Variants in SDK1 observed in about 807,000 individuals in gnomAD.
The protein encoded by SDK1 is sidekick cell adhesion molecule 1, also known as protein sidekick-1.
In SDK1, 157 loss-of-function variants were observed where a neutral mutation model predicts 245.5. That is an observed-to-expected ratio of 0.64 (90% CI 0.56 to 0.73). SDK1 has a LOEUF of 0.73. Ranked by LOEUF, SDK1 falls within the 30% of genes least tolerant of loss-of-function variation. The pLI, the probability that SDK1 is intolerant of heterozygous loss-of-function variation, is 0.00. For missense variants in SDK1, 3,583 were observed against 3,002.3 expected, an observed-to-expected ratio of 1.19 and a Z score of -4.52; for synonymous variants, 1,647 against 1,278.5, an observed-to-expected ratio of 1.29 and a Z score of -6.15.
intron 4 of SDK1, among the ~76,000 whole-genome samples, chr7:3,712,465 A>G (rs996117378): frequency 6.6e-6 from 1 of 152,226 alleles, no homozygotes; most frequent in African/African-American, 2.4e-5. Context: ...CAGTGTAATA[A>G]TAATAGAATT....
chr7:3,464,923 T>C (rs964729925), intron 1 of SDK1, among the ~76,000 whole-genome samples: 1 of 152,140 alleles, frequency 6.6e-6, no homozygotes, highest in African/African-American at 2.4e-5. Context: ...CCCTTTAGTA[T>C]TTGACATCAA....
chr7:3,337,804 T>G lies in SDK1; in HGVS notation c.298+35920T>G, dbSNP rs1780242105. ...ATTCTATATGCAACAAAAATGTCTT[T>G]CAGGAATGAGGGGAAAAGGAAAACT... On this transcript the variant is annotated intron_variant, in intron 1 of 44. Transcript: ENST00000404826. 2.0e-5 allele frequency: 3 copies of G among 152,182 alleles called. No individual in the cohort carries two copies. The South Asian group carries it at 6.2e-4, about 32-fold the overall frequency. The allele number at this position is 152,182 out of a possible 1,614,324, so 9.4% of individuals were successfully genotyped here. A position where few individuals can be genotyped will look rare whatever the true frequency, so the allele number is the denominator to read the frequency against.
At chr7:4,228,282 G>A (rs1785555192) in intron 40 of SDK1, among the ~76,000 whole-genome samples, 1 of 150,978 alleles carries the variant, frequency 6.6e-6, no homozygotes, top group African/African-American at 2.4e-5. Context: ...CCAGGAAGGT[G>A]CTCTTTCGGG....
Position 4,012,317 on chromosome 7 carries a change from C to T in SDK1, c.2420+82C>T, listed in dbSNP as rs1289071195. On this transcript the variant is annotated intron_variant, in intron 16 of 44. Coordinates refer to ENST00000404826, the MANE Select transcript of SDK1 (RefSeq NM_152744.4). The stretch of plus-strand genomic sequence containing the variant: ...CACAGAGGGTTGCAAACTCTAATGT[C>T]TGTAAGAGCCAAACAGGAACCAAAG... 3 of 1,359,966 alleles carry T rather than the reference C, an allele frequency of 2.2e-6. No individual in the cohort carries two copies. In the South Asian group the frequency reaches 5.5e-5, roughly 25 times the overall value. 84.2% of individuals were successfully genotyped at this position (1,359,966 alleles called of 1,614,324 possible).
At chr7:3,818,484 C>G (rs527478482) in intron 4 of SDK1, among the ~76,000 whole-genome samples, 1 of 152,312 alleles carries the variant, frequency 6.6e-6, no homozygotes, top group East Asian at 1.9e-4. Flanking sequence ...TTGTACCACT[C>G]AGACTAACCA....
chr7:3,477,488 G>A (rs562859608), intron 1 of SDK1, among the ~76,000 whole-genome samples: 5 of 150,586 alleles, frequency 3.3e-5, no homozygotes, highest in South Asian at 2.1e-4. Context: ...CACCCTGCTC[G>A]GCCTATGGTT....
intron 35 of SDK1, among the ~76,000 whole-genome samples, chr7:4,181,945 C>T (rs1193544206): frequency 2.0e-5 from 3 of 151,950 alleles, no homozygotes; most frequent in Non-Finnish European, 2.9e-5. Context: ...TTTGAGACAG[C>T]GTCTTGCTCT....
chr7:3,765,312 T>C (rs1001658915), intron 4 of SDK1, among the ~76,000 whole-genome samples: 3 of 152,220 alleles, frequency 2.0e-5, no homozygotes, highest in African/African-American at 7.2e-5. Flanking sequence ...AATTTTAAAA[T>C]ATATGCCCAT....
At chr7:3,485,808 A>T (rs1781677463) in intron 1 of SDK1, among the ~76,000 whole-genome samples, 1 of 146,304 alleles carries the variant, frequency 6.8e-6, no homozygotes, top group Non-Finnish European at 1.5e-5. Context: ...GTGTTTTCTT[A>T]TTATATTTAT....
intron 1 of SDK1, among the ~76,000 whole-genome samples, chr7:3,398,034 A>G (rs1778771424): frequency 6.6e-6 from 1 of 152,084 alleles, no homozygotes. Flanking sequence ...GAAGTAGTAA[A>G]TAGGTCTTCA....
At chr7:3,498,655 T>C (rs1253540566) in intron 1 of SDK1, among the ~76,000 whole-genome samples, 7 of 152,164 alleles carry the variant, frequency 4.6e-5, no homozygotes, top group Non-Finnish European at 1.0e-4. Flanking sequence ...CACAGTTGCT[T>C]AGTCTTGTAT....
chr7:4,223,096 A>G (rs1785233940), intron 40 of SDK1, among the ~76,000 whole-genome samples: 2 of 152,192 alleles, frequency 1.3e-5, no homozygotes, highest in East Asian at 3.9e-4. Context: ...AAAAAAAAAA[A>G]AAGTTTCTAG....
intron 1 of SDK1, among the ~76,000 whole-genome samples, chr7:3,493,229 G>A (rs1011111202): frequency 2.0e-5 from 3 of 151,854 alleles, no homozygotes; most frequent in African/African-American, 7.3e-5. Flanking sequence ...GAGATTACAG[G>A]CGTCAACCAC....
At chr7:3,808,578 A>G (rs1359362103) in intron 4 of SDK1, among the ~76,000 whole-genome samples, 1 of 151,938 alleles carries the variant, frequency 6.6e-6, no homozygotes, top group African/African-American at 2.4e-5. Context: ...CAGTTAACCA[A>G]GGGTGCAGTA....
Position 3,987,303 on chromosome 7 carries a change from C to A in SDK1, c.2112C>A (p.Ile704=). ...FDGNSPILYY[I]VELSENNSPW... is the part of the protein sequence containing the mutation. ...GAAACAGTCCTATTCTTTATTACAT[C>A]GTGGAGCTCTCTGAAAACAGTAAGT... Residue 704 remains isoleucine (I), a synonymous_variant, in exon 14 of 45, where the codon ATC becomes ATA. Transcript: ENST00000404826. The A allele has an allele frequency of 6.2e-7, 1 of 1,614,042 alleles. No individual in the cohort carries two copies. The highest frequency in any genetic ancestry group is 8.5e-7 in the Non-Finnish European group (1 of 1,179,944).
chr7:4,114,264 G>T lies in SDK1; in HGVS notation c.3813G>T (p.Thr1271=). The T allele has an allele frequency of 6.2e-7, 1 of 1,602,700 alleles. No homozygotes were observed. The change falls in exon 25 of 45, where the codon ACG becomes ACT. Residue 1271 remains threonine (T), a synonymous_variant. Coordinates refer to ENST00000404826, the MANE Select transcript of SDK1 (RefSeq NM_152744.4). ...GGAGCGAGGTGGTGCGGGGCCGGAC[G>T]CGGGAGTCAGGTGAGGGGAAGGCGA... The part of the protein sequence containing the change: ...GPWSEVVRGR[T]RESVPSAAPE...
chr7:4,240,926 C>T (rs545989225), intron 42 of SDK1, among the ~76,000 whole-genome samples: 12 of 152,138 alleles, frequency 7.9e-5, no homozygotes, highest in Admixed American at 3.9e-4. Flanking sequence ...GAAGATGACG[C>T]GGGGGTTTGC....
Position 3,911,481 on chromosome 7 carries a change from G to A in SDK1, c.848-39442G>A, listed in dbSNP as rs79565620. Among the ~76,000 whole-genome samples the A allele has an allele frequency of 2.3e-3, 345 of 152,256 alleles. 4 individuals carry two copies. Among genetic ancestry groups the A allele is most frequent in the African/African-American group, 7.5e-3 (313 of 41,540 alleles). ...TTGGTTTGCTGTGTCCTCACATGGC[G>A]GAAAGGGCAGACGGGCTTCCTCAGG... On this transcript the variant is annotated intron_variant, in intron 5 of 44. Transcript: ENST00000404826.
chr7:3,376,447 A>C (rs980246154), intron 1 of SDK1, among the ~76,000 whole-genome samples: 2 of 145,642 alleles, frequency 1.4e-5, no homozygotes, highest in Non-Finnish European at 2.9e-5. Flanking sequence ...CTTAAAAATC[A>C]GTAAGAAGAC....
Sources: gnomAD v4.1 joint callset for allele counts (sites outside exome capture counted in the v4.1 genomes callset) on GRCh38, gnomAD v4.1.1 for gene constraint, MANE v1.5 for transcripts, NCBI Gene and HGNC (gene_info 2026-07-23, HGNC 2026-07-21) for gene names.